The following CIT variants were observed in gnomAD, a reference collection of about 807,000 sequenced individuals.
The protein encoded by CIT is citron Rho-interacting kinase.
Under a neutral mutation model 272.7 loss-of-function variants are expected in CIT, and 79 were observed. That is an observed-to-expected ratio of 0.29 (90% confidence interval 0.24 to 0.35). CIT has a LOEUF of 0.35. CIT is among the 10% of genes least tolerant of loss of function. CIT has a pLI of 1.00. For synonymous variants in CIT, 948 were observed against 995.6 expected, an observed-to-expected ratio of 0.95 and a Z score of 0.90; for missense variants, 1,909 against 2,618.3, an observed-to-expected ratio of 0.73 and a Z score of 5.91.
chr12:119,870,490 C>A (rs1430843553), intron 2 of CIT, among the ~76,000 whole-genome samples: 1 of 134,748 alleles, frequency 7.4e-6, no homozygotes, highest in African/African-American at 2.8e-5. Flanking sequence ...ATGGAGGTTG[C>A]AGTGAGCCGA....
chr12:119,744,623 G>A (rs934168378), intron 23 of CIT, among the ~76,000 whole-genome samples: 3 of 150,824 alleles, frequency 2.0e-5, no homozygotes, highest in Non-Finnish European at 4.4e-5. Flanking sequence ...GGCTGAGGCA[G>A]GAGAATGGTG....
intron 19 of CIT, among the ~76,000 whole-genome samples, chr12:119,764,592 A>T: frequency 6.7e-6 from 1 of 148,470 alleles, no homozygotes; most frequent in Non-Finnish European, 1.5e-5. Flanking sequence ...TGGGTGACAG[A>T]GTGAGATCCT....
chr12:119,768,520 A>G lies in CIT; in HGVS notation c.2209-1338T>C, dbSNP rs773566928. ...GTTCATAAAATGGAGGTGAAAAAGT[A>G]CTTTGAGATTCACACACACTTAAAA... On this transcript the variant is annotated intron_variant, in intron 18 of 47. Coordinates refer to ENST00000392521, the MANE Select transcript of CIT (RefSeq NM_001206999.2). This position sits in a 1 kb window ranked among gnomAD's most constrained non-coding sequence, Gnocchi z 4.3. 6.6e-6 allele frequency among the ~76,000 whole-genome samples: 1 copy of G among 152,222 alleles called. No individual in the cohort carries two copies. Among genetic ancestry groups the G allele is most frequent in the Non-Finnish European group, 1.5e-5 (1 of 68,044 alleles).
intron 10 of CIT, among the ~76,000 whole-genome samples, chr12:119,794,503 A>T (rs1278076236): frequency 6.6e-6 from 1 of 152,232 alleles, no homozygotes; most frequent in Non-Finnish European, 1.5e-5. Flanking sequence ...CATCCAGGGG[A>T]TACCCAAGTG....
chr12:119,704,551 G>A, intron 40 of CIT, 96 bp from the exon 41 acceptor site: 1 of 1,035,882 alleles, frequency 9.7e-7, no homozygotes, highest in Non-Finnish European at 1.5e-6. Context: ...CGCCATTGAT[G>A]ATTCAGACCA....
chr12:119,722,408 C>G (rs1957848801), intron 28 of CIT, among the ~76,000 whole-genome samples: 1 of 152,162 alleles, frequency 6.6e-6, no homozygotes, highest in African/African-American at 2.4e-5. Context: ...ATGGCAGCCC[C>G]CAAACTCCTC....
rs1956149836 is a variant in CIT, at chr12:119,694,934, C to G, written c.5882+2725G>C. ...AAGCAACAAGATCACTGGCAGTTGT[C>G]AAAATCAACTTTTCAGAGCTCTAGA... is the stretch of plus-strand genomic sequence containing the variant. On this transcript the variant is annotated intron_variant, in intron 46 of 47. Transcript: ENST00000392521. The surrounding 1 kb of genome is among the most constrained non-coding windows in gnomAD (Gnocchi z 4.5). Among the ~76,000 whole-genome samples, 1 of 152,178 alleles carries G rather than the reference C, an allele frequency of 6.6e-6. No homozygotes were observed. The highest frequency in any genetic ancestry group is 1.5e-5 in the Non-Finnish European group (1 of 68,006).
chr12:119,708,146 A>T, intron 40 of CIT, 33 bp downstream of exon 40: 1 of 1,474,538 alleles, frequency 6.8e-7, no homozygotes. Flanking sequence ...TTTCCAGAAC[A>T]TTCCACCAGC....
At chr12:119,872,537 T>C (rs1319412377) in intron 2 of CIT, among the ~76,000 whole-genome samples, 1 of 152,230 alleles carries the variant, frequency 6.6e-6, no homozygotes, top group Non-Finnish European at 1.5e-5. Flanking sequence ...ATAGCTTTAC[T>C]GGGCAGGGGG....
Position 119,728,680 on chromosome 12 carries a change from C to T in CIT, c.3487-74G>A, listed in dbSNP as rs1958267786. On this transcript the variant is annotated intron_variant, in intron 27 of 47. Coordinates refer to ENST00000392521, the MANE Select transcript of CIT (RefSeq NM_001206999.2). The surrounding 1 kb of genome is among the most constrained non-coding windows in gnomAD (Gnocchi z 4.3). ...TGCTGACAACGTTTATGAATGTCCA[C>T]GAACCTTCACGGAGAAAGAATATTG... The T allele has an allele frequency of 1.6e-5, 16 of 994,884 alleles. No homozygotes were observed. Among genetic ancestry groups the T allele is most frequent in the East Asian group, 2.4e-5 (1 of 41,204 alleles). The allele number at this position is 994,884 out of a possible 1,614,324, so 61.6% of individuals were successfully genotyped here. A position where few individuals can be genotyped will look rare whatever the true frequency, so the allele number is the denominator to read the frequency against.
Position 119,760,945 on chromosome 12 carries a change from C to T in CIT, c.2415G>A (p.Gln805=), listed in dbSNP as rs1228398057. Residue 805 remains glutamine, a synonymous_variant, in exon 20 of 48, where the codon CAG becomes CAA. Transcript: ENST00000392521. ...GGCAACTCCTTCTACCTACCGCCTT[C>T]TGTTCGCTGAGAATTTTGCCCTTCT... ...AHEKGKILSE[Q]KAMINAMDSK... is the part of the protein sequence containing the mutation. The T allele has an allele frequency of 6.2e-7, 1 of 1,611,322 alleles. No homozygotes were observed. The highest frequency in any genetic ancestry group is 8.5e-7 in the Non-Finnish European group (1 of 1,177,368).
chr12:119,855,372 G>A (rs1450935395), intron 4 of CIT, among the ~76,000 whole-genome samples: 1 of 152,110 alleles, frequency 6.6e-6, no homozygotes, highest in Non-Finnish European at 1.5e-5. Context: ...GCAGTGAGCT[G>A]AGATCGCACC....
intron 30 of CIT, 103 bp downstream of exon 30, chr12:119,720,372 TTTG>T (rs2137135515): frequency 1.3e-6 from 1 of 764,810 alleles, no homozygotes; most frequent in African/African-American, 1.8e-5. Flanking sequence ...AAAAGTATAC[TTTG>T]TTTTCTTCTA....
intron 28 of CIT, among the ~76,000 whole-genome samples, chr12:119,726,035 T>TGTGTGTGTGTGTGTGTG (rs1565946454): frequency 6.9e-6 from 1 of 145,074 alleles, no homozygotes; most frequent in African/African-American, 2.5e-5. Flanking sequence ...TGTGTGTGTG[T>TGTGTGTGTGTGTGTGTG]TTAGTATTAA....
chr12:119,689,410 ATATGTGTG>A (rs1247261393), intron 47 of CIT, among the ~76,000 whole-genome samples: 4 of 151,892 alleles, frequency 2.6e-5, no homozygotes, highest in Non-Finnish European at 4.4e-5. Context: ...AAAGAAAAGC[ATATGTGTG>A]TATGTGTGTG....
chr12:119,857,795 G>T, intron 3 of CIT, 97 bp from the exon 4 acceptor site: 2 of 1,099,332 alleles, frequency 1.8e-6, no homozygotes, highest in Non-Finnish European at 1.3e-6. Flanking sequence ...CATTCGGATA[G>T]CTTCCCTCAC....
intron 10 of CIT, among the ~76,000 whole-genome samples, chr12:119,795,318 C>A (rs918373476): frequency 2.0e-5 from 3 of 152,052 alleles, no homozygotes; most frequent in Non-Finnish European, 2.9e-5. Context: ...ACCTGGGAGG[C>A]GGAGGTTGCA....
intron 24 of CIT, among the ~76,000 whole-genome samples, chr12:119,738,555 G>A (rs923052976): frequency 2.6e-5 from 4 of 151,882 alleles, no homozygotes; most frequent in Non-Finnish European, 5.9e-5. Flanking sequence ...ACAGATGAGA[G>A]GTCTTGGTAC....
chr12:119,859,743 G>A lies in CIT; in HGVS notation c.239-2045C>T, dbSNP rs938517413. On this transcript the variant is annotated intron_variant, in intron 3 of 47. Coordinates refer to ENST00000392521, the MANE Select transcript of CIT (RefSeq NM_001206999.2). ...GGGAGAGAATCACTTGAACCTGGGAGGTGCAGGTTGTAGTGAGCAGAGATC... is the reference window on the plus strand; with the variant it reads ...GGGAGAGAATCACTTGAACCTGGGAAGTGCAGGTTGTAGTGAGCAGAGATC... Among the ~76,000 whole-genome samples the A allele has an allele frequency of 2.0e-5, 3 of 152,016 alleles. No individual in the cohort carries two copies. The East Asian group carries it at 5.8e-4, about 29-fold the overall frequency.
Sources: allele counts gnomAD v4.1 joint callset (sites outside exome capture counted in the v4.1 genomes callset), GRCh38; gene constraint gnomAD v4.1.1; non-coding constraint Gnocchi (gnomAD v3.1); transcripts MANE v1.5; gene names NCBI Gene and HGNC (gene_info 2026-07-23, HGNC 2026-07-21).